ASAP2: variants seen among roughly 807,000 people sequenced by gnomAD.
ASAP2 encodes the protein ArfGAP with SH3 domain, ankyrin repeat and PH domain 2.
ASAP2 carries 45 observed loss-of-function variants against 131.4 expected under a neutral mutation model. The observed-to-expected ratio is 0.34, with a 90% CI of 0.27 to 0.44. The LOEUF (loss-of-function observed/expected upper bound fraction) is 0.44. Among genes scored for constraint, ASAP2 ranks in the 20% least tolerant of loss-of-function variants. The probability of loss-of-function intolerance (pLI) is 1.00; values close to 1 mark genes in which losing one functional copy is unlikely to be tolerated. For synonymous variants in ASAP2, 510 were observed against 503.0 expected (o/e 1.01, Z -0.19); for missense variants, 1,011 against 1,297.0 (o/e 0.78, Z 3.39).
chr2:9,382,802 C>T (rs1674964870), intron 20 of ASAP2, among the ~76,000 whole-genome samples: 1 of 152,208 alleles, frequency 6.6e-6, no homozygotes, highest in Admixed American at 6.5e-5. Flanking sequence ...TGGGGTTCTC[C>T]CCCGACCCCA....
rs546747789 is a variant in ASAP2 at position 9,316,969 on chromosome 2, C to A, written c.346-1555C>A. On this transcript the variant is annotated intron_variant, in intron 3 of 27. Transcript: ENST00000281419. Reference sequence around the variant, plus strand: ...CTCTCACACCCTCCCACACACCCCCCGTCACACCCTCTCATGTCCACTCTC... The same window carrying A: ...CTCTCACACCCTCCCACACACCCCCAGTCACACCCTCTCATGTCCACTCTC... 1.8e-3 allele frequency among the ~76,000 whole-genome samples: 254 copies of A among 140,206 alleles called. 5 individuals carry two copies. Among genetic ancestry groups the A allele is most frequent in the African/African-American group, 6.6e-3 (240 of 36,590 alleles). 92.0% of individuals were successfully genotyped at this position (140,206 alleles called of 152,430 possible). A position where few individuals can be genotyped will look rare whatever the true frequency, so the allele number is the denominator to read the frequency against.
chr2:9,242,144 G>A (rs1664016224), intron 1 of ASAP2, among the ~76,000 whole-genome samples: 2 of 152,274 alleles, frequency 1.3e-5, no homozygotes, highest in South Asian at 2.1e-4. Context: ...GCTCTGTGCT[G>A]GAATGAAACT....
At chr2:9,249,570 T>G (rs1205308435) in intron 1 of ASAP2, among the ~76,000 whole-genome samples, 1 of 152,188 alleles carries the variant, frequency 6.6e-6, no homozygotes, top group Non-Finnish European at 1.5e-5. Context: ...GAATAATTCC[T>G]GGGAAGGAAA....
rs531481453 is a variant in ASAP2, at chr2:9,272,955, A to G, written c.127-6362A>G. 3.9e-5 allele frequency among the ~76,000 whole-genome samples: 6 copies of G among 152,246 alleles called. No individual in the cohort carries two copies. The South Asian group carries it at 8.3e-4, about 21-fold the overall frequency. On this transcript the variant is annotated intron_variant, in intron 1 of 27. Coordinates refer to ENST00000281419, the MANE Select transcript of ASAP2 (RefSeq NM_003887.3). ...ATACTGTTTTGGCTACTATAGCTCT[A>G]TAGTATAATTTAAGTAAGGTAATGT...
At chr2:9,294,518 C>G (rs1295805120) in intron 2 of ASAP2, among the ~76,000 whole-genome samples, 1 of 152,230 alleles carries the variant, frequency 6.6e-6, no homozygotes, top group Admixed American at 6.5e-5. Context: ...CTCCTACCAA[C>G]TCTATGGTCT....
intron 1 of ASAP2, among the ~76,000 whole-genome samples, chr2:9,234,035 C>T (rs899118877): frequency 5.4e-5 from 8 of 149,340 alleles, no homozygotes; most frequent in African/African-American, 1.2e-4. Context: ...TGCTTGAACC[C>T]GGGAGGCGGA....
At chr2:9,314,077 G>A (rs1242362433) in intron 3 of ASAP2, among the ~76,000 whole-genome samples, 1 of 152,154 alleles carries the variant, frequency 6.6e-6, no homozygotes, top group African/African-American at 2.4e-5. Flanking sequence ...TCCGCCTCCT[G>A]GATTCAAGTG....
intron 1 of ASAP2, among the ~76,000 whole-genome samples, chr2:9,265,695 TC>T (rs1665889994): frequency 6.6e-6 from 1 of 152,178 alleles, no homozygotes; most frequent in South Asian, 2.1e-4. Context: ...AGTATTTTTT[TC>T]TTTGCTTTTA....
Position 9,390,390 on chromosome 2 carries a change from C to T in ASAP2, c.2384-672C>T, listed in dbSNP as rs551551947. Among the ~76,000 whole-genome samples the T allele has an allele frequency of 1.8e-4, 27 of 152,358 alleles. 1 individual carries two copies. The South Asian group carries it at 4.3e-3, about 25-fold the overall frequency. On this transcript the variant is annotated intron_variant, in intron 22 of 27. Coordinates refer to ENST00000281419, the MANE Select transcript of ASAP2 (RefSeq NM_003887.3). Reference sequence around the variant, plus strand: ...CTAGGCCTAGCCTTTGCCCTACAGGCCGTGCACAGCCTCCAACATGGGGTC... The same window carrying T: ...CTAGGCCTAGCCTTTGCCCTACAGGTCGTGCACAGCCTCCAACATGGGGTC...
intron 27 of ASAP2, among the ~76,000 whole-genome samples, chr2:9,402,740 T>C (rs1676848218): frequency 6.6e-6 from 1 of 152,232 alleles, no homozygotes; most frequent in African/African-American, 2.4e-5. Context: ...TTTGCCTACA[T>C]CATTTACACT....
At chr2:9,222,496 A>G (rs187729138) in intron 1 of ASAP2, among the ~76,000 whole-genome samples, 5 of 152,278 alleles carry the variant, frequency 3.3e-5, no homozygotes, top group Non-Finnish European at 5.9e-5. Context: ...GTTGCTTTCT[A>G]TCAACATTGC....
chr2:9,319,771 G>A (rs903209307), intron 4 of ASAP2, among the ~76,000 whole-genome samples: 1 of 152,222 alleles, frequency 6.6e-6, no homozygotes, highest in Non-Finnish European at 1.5e-5. Context: ...TTTGAGGCAG[G>A]CTTTACCAGA....
rs112689564 is a variant in ASAP2 at position 9,358,264 on chromosome 2, C to T, written c.1328-492C>T. Among the ~76,000 whole-genome samples, 1,013 of 152,356 alleles carry T rather than the reference C, an allele frequency of 6.6e-3. 11 individuals are homozygous for T. The highest frequency in any genetic ancestry group is 0.023 in the African/African-American group (960 of 41,582). ...ACAACACAAACTGTTATTGCTACTA[C>T]CAGCATGCTGAACACAGCATATCTT... is the stretch of plus-strand genomic sequence containing the variant. On this transcript the variant is annotated intron_variant, in intron 14 of 27. Transcript: ENST00000281419.
chr2:9,242,878 A>G (rs2148085744), intron 1 of ASAP2, among the ~76,000 whole-genome samples: 1 of 152,296 alleles, frequency 6.6e-6, no homozygotes, highest in Non-Finnish European at 1.5e-5. Flanking sequence ...GGTGTAAGAC[A>G]TTGGTGCACA....
intron 1 of ASAP2, among the ~76,000 whole-genome samples, chr2:9,272,313 G>A (rs2148269024): frequency 6.6e-6 from 1 of 152,322 alleles, no homozygotes; most frequent in Non-Finnish European, 1.5e-5. Flanking sequence ...GATCAATGAT[G>A]TTGAACACCT....
chr2:9,224,224 C>G (rs940132950), intron 1 of ASAP2, among the ~76,000 whole-genome samples: 2 of 152,104 alleles, frequency 1.3e-5, no homozygotes, highest in African/African-American at 2.4e-5. Flanking sequence ...AAGAGGCTTC[C>G]TGCTTGACCT....
intron 7 of ASAP2, among the ~76,000 whole-genome samples, chr2:9,331,231 G>C (rs1396848827): frequency 6.6e-6 from 1 of 152,248 alleles, no homozygotes; most frequent in Non-Finnish European, 1.5e-5. Context: ...GCTCAGGTTT[G>C]GCTGTTGACC....
chr2:9,367,712 T>C (rs1364256945), intron 15 of ASAP2, among the ~76,000 whole-genome samples: 2 of 152,140 alleles, frequency 1.3e-5, no homozygotes, highest in East Asian at 3.9e-4. Flanking sequence ...CATTAAGCCA[T>C]GATCATGCCA....
intron 1 of ASAP2, among the ~76,000 whole-genome samples, chr2:9,254,020 A>G (rs1664914367): frequency 6.6e-6 from 1 of 151,110 alleles, no homozygotes; most frequent in South Asian, 2.1e-4. Context: ...AGCCTGGCCA[A>G]TATAGTGAAA....
Sources: allele counts gnomAD v4.1 joint callset (sites outside exome capture counted in the v4.1 genomes callset), GRCh38; gene constraint gnomAD v4.1.1; transcripts MANE v1.5; gene names NCBI Gene and HGNC (gene_info 2026-07-23, HGNC 2026-07-21).